Variants in PDSS2 observed in about 807,000 individuals in gnomAD.
PDSS2 encodes the protein decaprenyl diphosphate synthase subunit 2.
In PDSS2, 31 loss-of-function variants were observed where a neutral mutation model predicts 44.5. The observed-to-expected ratio is 0.70, with a 90% CI of 0.52 to 0.94. The LOEUF is 0.94. Among genes scored for constraint, PDSS2 ranks in the 40% least tolerant of loss-of-function variants. The pLI is 0.00. For synonymous variants in PDSS2, 157 were observed against 180.3 expected, an observed-to-expected ratio of 0.87 and a Z score of 1.03; for missense variants, 452 against 482.2, an observed-to-expected ratio of 0.94 and a Z score of 0.59.
intron 1 of PDSS2, among the ~76,000 whole-genome samples, chr6:107,430,579 G>T (rs934105009): frequency 3.3e-5 from 5 of 152,158 alleles, no homozygotes; most frequent in African/African-American, 1.2e-4. Context: ...GGTGGCCAAA[G>T]CAAGTGGATC....
chr6:107,444,211 T>C (rs1035114613), intron 1 of PDSS2, among the ~76,000 whole-genome samples: 5 of 151,912 alleles, frequency 3.3e-5, no homozygotes, highest in African/African-American at 1.2e-4. Flanking sequence ...ATTTTTTTTT[T>C]ATATAGATGG....
chr6:107,427,314 C>T (rs527301255), intron 1 of PDSS2, among the ~76,000 whole-genome samples: 15 of 152,296 alleles, frequency 9.8e-5, no homozygotes, highest in South Asian at 2.1e-4. Flanking sequence ...CCCTGCCTAA[C>T]GCCATGATCA....
At chr6:107,408,816 C>T (rs319060) in intron 1 of PDSS2, among the ~76,000 whole-genome samples, 107,199 of 151,964 alleles carry the variant, frequency 0.71, 38,520 homozygotes, top group Middle Eastern at 0.79. Flanking sequence ...ATCAGAGAAC[C>T]CTAAATACTT....
At chr6:107,192,281 A>C in intron 7 of PDSS2, 1 of 424,608 alleles carries the variant, frequency 2.4e-6, no homozygotes, top group Non-Finnish European at 4.5e-6. Context: ...TGAAGGAGGC[A>C]GATAAAAGGA....
intron 1 of PDSS2, among the ~76,000 whole-genome samples, chr6:107,371,742 C>G (rs952666730): frequency 3.3e-5 from 5 of 152,100 alleles, no homozygotes; most frequent in Admixed American, 2.6e-4. Flanking sequence ...GTCTAGGACA[C>G]CTTAGATGCC....
In PDSS2 at chr6:107,206,220, C is replaced by T. The variant is rs536411943; in HGVS notation, c.1008+4219G>A. Among the ~76,000 whole-genome samples the T allele has an allele frequency of 4.6e-5, 7 of 152,062 alleles. No homozygotes were observed. In the East Asian group the frequency reaches 5.8e-4, roughly 13 times the overall value. Reference sequence around the variant, plus strand: ...CCGAGTAGCTGGGATTACAGGCATGCGCCACCACGCCCAGCTAATTTTTGT... The same window carrying T: ...CCGAGTAGCTGGGATTACAGGCATGTGCCACCACGCCCAGCTAATTTTTGT... On this transcript the variant is annotated intron_variant, in intron 6 of 7. Coordinates refer to ENST00000369037, the MANE Select transcript of PDSS2 (RefSeq NM_020381.4).
chr6:107,457,778 G>A (rs1405878749), intron 1 of PDSS2, among the ~76,000 whole-genome samples: 1 of 152,154 alleles, frequency 6.6e-6, no homozygotes, highest in Non-Finnish European at 1.5e-5. Flanking sequence ...ATGCTATAAA[G>A]AACATTATTA....
intron 1 of PDSS2, among the ~76,000 whole-genome samples, chr6:107,386,108 A>T (rs1779603215): frequency 6.6e-6 from 1 of 152,148 alleles, no homozygotes; most frequent in South Asian, 2.1e-4. Flanking sequence ...GAAGCTACAA[A>T]TTTTTGTCCT....
In PDSS2 at chr6:107,268,703, C is replaced by T. The variant is rs143823757; in HGVS notation, c.630+5326G>A. ...ATACAGTATTTAAAAATAAAACTGC[C>T]CGCAATATTCTTCACAGTTGCAGTT... On this transcript the variant is annotated intron_variant, in intron 3 of 7. Coordinates refer to ENST00000369037, the MANE Select transcript of PDSS2 (RefSeq NM_020381.4). Among the ~76,000 whole-genome samples the T allele has an allele frequency of 7.1e-4, 108 of 152,092 alleles. 1 individual carries two copies. Among genetic ancestry groups the T allele is most frequent in the African/African-American group, 2.5e-3 (103 of 41,482 alleles).
intron 7 of PDSS2, chr6:107,192,461 G>T: frequency 4.5e-6 from 2 of 439,976 alleles, no homozygotes; most frequent in Admixed American, 2.7e-5. Context: ...AAAGACCTGA[G>T]ACAGACTCCA....
At chr6:107,360,885 T>C (rs1275723312) in intron 1 of PDSS2, among the ~76,000 whole-genome samples, 1 of 152,202 alleles carries the variant, frequency 6.6e-6, no homozygotes, top group African/African-American at 2.4e-5. Flanking sequence ...AGTATTTCCT[T>C]TAACAAAGTC....
At chr6:107,336,882 T>TGTG (rs1777917404) in intron 1 of PDSS2, among the ~76,000 whole-genome samples, 2 of 70,124 alleles carry the variant, frequency 2.9e-5, no homozygotes, top group Non-Finnish European at 2.8e-5. Context: ...GTGTGTGTGT[T>TGTG]CGGGGCTGGG....
At chr6:107,348,301 G>T (rs890885854) in intron 1 of PDSS2, among the ~76,000 whole-genome samples, 5 of 152,186 alleles carry the variant, frequency 3.3e-5, no homozygotes, top group African/African-American at 1.2e-4. Flanking sequence ...ACAGGTTAGC[G>T]TCTTGGCCAA....
At chr6:107,164,007 C>G (rs532557166) in intron 7 of PDSS2, among the ~76,000 whole-genome samples, 12 of 152,186 alleles carry the variant, frequency 7.9e-5, no homozygotes, top group South Asian at 2.1e-4. Flanking sequence ...AATGCAGATG[C>G]CTAGGCCTCT....
chr6:107,190,456 T>C (rs1772333680), intron 7 of PDSS2, among the ~76,000 whole-genome samples: 2 of 152,164 alleles, frequency 1.3e-5, no homozygotes, highest in South Asian at 4.1e-4. Context: ...CTGTGTTGGG[T>C]ACCAGATATA....
chr6:107,444,995 C>A (rs1781624639), intron 1 of PDSS2, among the ~76,000 whole-genome samples: 1 of 151,924 alleles, frequency 6.6e-6, no homozygotes, highest in Non-Finnish European at 1.5e-5. Context: ...CAAGAGTAAT[C>A]AATGAAAATA....
At chr6:107,235,228 G>A (rs1294198108) in intron 4 of PDSS2, among the ~76,000 whole-genome samples, 3 of 152,188 alleles carry the variant, frequency 2.0e-5, no homozygotes, top group Non-Finnish European at 4.4e-5. Flanking sequence ...AGAGAGAGCT[G>A]CAGAGAGAGC....
At chr6:107,229,392 C>T (rs1156334461) in intron 4 of PDSS2, among the ~76,000 whole-genome samples, 3 of 152,066 alleles carry the variant, frequency 2.0e-5, no homozygotes, top group African/African-American at 7.2e-5. Context: ...TCACCATAAG[C>T]CAGGCTGGTC....
At chr6:107,268,536 C>T (rs1391076443) in intron 3 of PDSS2, among the ~76,000 whole-genome samples, 1 of 152,004 alleles carries the variant, frequency 6.6e-6, no homozygotes, top group Non-Finnish European at 1.5e-5. Flanking sequence ...AGAACAATAA[C>T]TTCTTTATAC....
Sources: allele counts gnomAD v4.1 joint callset (sites outside exome capture counted in the v4.1 genomes callset), GRCh38; gene constraint gnomAD v4.1.1; transcripts MANE v1.5; gene names NCBI Gene and HGNC (gene_info 2026-07-23, HGNC 2026-07-21).